The following GREB1L variants were observed in gnomAD, a reference collection of about 807,000 sequenced individuals.
GREB1L encodes GREB1-like protein.
In GREB1L, 17 loss-of-function variants were observed where a neutral mutation model predicts 200.8. That is an observed-to-expected ratio of 0.08 (90% confidence interval 0.06 to 0.13). GREB1L has a LOEUF of 0.13. GREB1L is among the 10% of genes least tolerant of loss of function. The pLI, the probability that GREB1L is intolerant of heterozygous loss-of-function variation, is 1.00. For synonymous variants in GREB1L, 789 were observed against 893.0 expected (o/e 0.88, Z 2.08); for missense variants, 1,657 against 2,367.7 (o/e 0.70, Z 6.23).
Position 21,505,901 on chromosome 18 carries a change from C to T in GREB1L, c.4320C>T (p.His1440=), listed in dbSNP as rs1436300171. The change falls in exon 25 of 33, where the codon CAC becomes CAT. Residue 1440 remains histidine, a synonymous_variant. Transcript: ENST00000424526. ...AATATGCAGCCTATAACACCTTTCA[C>T]CACTGTGAACAGTGCCGCCAGTACA... ...LTKYAAYNTF[H]HCEQCRQYMD... The T allele has an allele frequency of 6.4e-7, 1 of 1,552,194 alleles. No individual in the cohort carries two copies. Among genetic ancestry groups the T allele is most frequent in the Admixed American group, 2.0e-5 (1 of 51,010 alleles).
chr18:21,327,205 A>C (rs988038341), intron 1 of GREB1L, among the ~76,000 whole-genome samples: 1 of 152,220 alleles, frequency 6.6e-6, no homozygotes, highest in African/African-American at 2.4e-5. Flanking sequence ...CAAGGTAAAC[A>C]GAAAGGCCCT....
At chr18:21,378,785 A>T (rs890046990) in intron 2 of GREB1L, among the ~76,000 whole-genome samples, 2 of 152,304 alleles carry the variant, frequency 1.3e-5, no homozygotes. Flanking sequence ...CATTGACTTC[A>T]TCTGAATATT....
At chr18:21,366,183 T>G (rs2039674187) in intron 2 of GREB1L, 47 bp downstream of exon 2, 2 of 152,068 alleles carry the variant, frequency 1.3e-5, no homozygotes, top group South Asian at 4.1e-4. Context: ...CAAGATCAAA[T>G]TTGTTTTAGG....
intron 7 of GREB1L, among the ~76,000 whole-genome samples, chr18:21,415,695 C>A (rs2031562863): frequency 6.6e-6 from 1 of 152,162 alleles, no homozygotes; most frequent in South Asian, 2.1e-4. Flanking sequence ...CAGCCACCAG[C>A]CAAACAGGAA....
intron 1 of GREB1L, among the ~76,000 whole-genome samples, chr18:21,271,311 C>T (rs1022602137): frequency 6.6e-5 from 10 of 151,896 alleles, no homozygotes; most frequent in Non-Finnish European, 1.5e-4. Context: ...CCCATATCAC[C>T]CCACAAATTT....
At chr18:21,305,482 T>C (rs1417497720) in intron 1 of GREB1L, among the ~76,000 whole-genome samples, 1 of 152,204 alleles carries the variant, frequency 6.6e-6, no homozygotes, top group Admixed American at 6.5e-5. Flanking sequence ...AAACAGATCC[T>C]TCATTCAATC....
chr18:21,471,916 C>CAG (rs1261675611), intron 15 of GREB1L, among the ~76,000 whole-genome samples: 2 of 152,164 alleles, frequency 1.3e-5, no homozygotes, highest in African/African-American at 2.4e-5. Flanking sequence ...CCACCACACC[C>CAG]AGCCACAATC....
intron 1 of GREB1L, among the ~76,000 whole-genome samples, chr18:21,361,293 T>C (rs964066894): frequency 6.6e-6 from 1 of 152,234 alleles, no homozygotes; most frequent in Non-Finnish European, 1.5e-5. Flanking sequence ...AAATTTAAGC[T>C]GGTATTTGCC....
chr18:21,391,163 G>A (rs1408465122), intron 4 of GREB1L, among the ~76,000 whole-genome samples: 1 of 152,176 alleles, frequency 6.6e-6, no homozygotes, highest in Non-Finnish European at 1.5e-5. Flanking sequence ...CTCACCCAGA[G>A]CAACTTCCAG....
chr18:21,317,040 G>A (rs554250517), intron 1 of GREB1L: 4 of 152,256 alleles, frequency 2.6e-5, no homozygotes, highest in African/African-American at 9.6e-5. Flanking sequence ...TGGGATTACA[G>A]GTGTAAGCCA....
At chr18:21,455,855 C>A (rs1410642954) in intron 15 of GREB1L, among the ~76,000 whole-genome samples, 1 of 150,520 alleles carries the variant, frequency 6.6e-6, no homozygotes, top group Non-Finnish European at 1.5e-5. Context: ...ATGCAGATTC[C>A]ACTTCAGTGA....
chr18:21,321,155 A>G (rs2038945345), intron 1 of GREB1L, among the ~76,000 whole-genome samples: 1 of 151,596 alleles, frequency 6.6e-6, no homozygotes, highest in Non-Finnish European at 1.5e-5. Flanking sequence ...TTAGCCAGGC[A>G]TGGTGGCATG....
chr18:21,399,669 A>C, intron 5 of GREB1L, among the ~76,000 whole-genome samples: 1 of 152,192 alleles, frequency 6.6e-6, no homozygotes, highest in East Asian at 1.9e-4. Flanking sequence ...ATAAAATTAT[A>C]TTGTTTGCAT....
At chr18:21,335,654 ATTTCTTTT>A (rs2039173531) in intron 1 of GREB1L, among the ~76,000 whole-genome samples, 1 of 148,408 alleles carries the variant, frequency 6.7e-6, no homozygotes, top group Non-Finnish European at 1.5e-5. Context: ...TGTGTTTTGC[ATTTCTTTT>A]TTTCTTTTTT....
rs1264997902 is a variant in GREB1L, at chr18:21,468,618, C to T, written c.2183-4413C>T. The T allele has an allele frequency of 7.1e-6, 3 of 423,152 alleles. No individual in the cohort carries two copies. In the East Asian group the frequency reaches 2.1e-4, roughly 30 times the overall value. The allele number at this position is 423,152 out of a possible 1,614,324, so 26.2% of individuals were successfully genotyped here. A position where few individuals can be genotyped will look rare whatever the true frequency, so the allele number is the denominator to read the frequency against. The stretch of plus-strand genomic sequence containing the variant: ...ACTCAGTTTCTCTTAAAGTTAACAA[C>T]TTACCTAACTATAATACAATTATCA... On this transcript the variant is annotated intron_variant, in intron 15 of 32. Coordinates refer to ENST00000424526, the MANE Select transcript of GREB1L (RefSeq NM_001142966.3).
chr18:21,301,556 G>A (rs1164630529), intron 1 of GREB1L, among the ~76,000 whole-genome samples: 2 of 152,152 alleles, frequency 1.3e-5, no homozygotes, highest in Non-Finnish European at 2.9e-5. Flanking sequence ...CAGATGCTAG[G>A]GAAATTTTGG....
chr18:21,309,680 T>G (rs2038760326), intron 1 of GREB1L, among the ~76,000 whole-genome samples: 1 of 152,176 alleles, frequency 6.6e-6, no homozygotes, highest in Admixed American at 6.5e-5. Flanking sequence ...CCCTGTAACC[T>G]GCCCTAAATA....
At chr18:21,384,518 G>A (rs2040456917) in intron 4 of GREB1L, 115 bp downstream of exon 4, 4 of 788,572 alleles carry the variant, frequency 5.1e-6, no homozygotes, top group Non-Finnish European at 8.1e-6. Context: ...GTATGGAGAG[G>A]AATGAGAAAT....
intron 11 of GREB1L, among the ~76,000 whole-genome samples, chr18:21,446,192 T>C (rs1347812471): frequency 2.6e-5 from 4 of 152,134 alleles, no homozygotes; most frequent in Non-Finnish European, 5.9e-5. Flanking sequence ...ACCCTGCTAA[T>C]TTTTGTATTT....
Sources: gnomAD v4.1 joint callset for allele counts (sites outside exome capture counted in the v4.1 genomes callset) on GRCh38, gnomAD v4.1.1 for gene constraint, MANE v1.5 for transcripts, NCBI Gene and HGNC (gene_info 2026-07-23, HGNC 2026-07-21) for gene names.